The following TNS3 variants were observed in gnomAD, a reference collection of about 807,000 sequenced individuals.
The protein encoded by TNS3 is tensin-3.
A neutral mutation model predicts 140.9 loss-of-function variants in TNS3; 45 were observed. The ratio of observed to expected loss-of-function variants is 0.32; its 90% CI spans 0.25 to 0.41. TNS3 has a LOEUF of 0.41. Ranked by LOEUF, TNS3 falls within the 10% of genes least tolerant of loss-of-function variation. The pLI, the probability that TNS3 is intolerant of heterozygous loss-of-function variation, is 1.00. For synonymous variants in TNS3, 815 were observed against 788.4 expected (o/e 1.03, Z -0.56); for missense variants, 1,716 against 1,906.7 (o/e 0.90, Z 1.86).
At position 47,435,409 on chromosome 7, in the gene TNS3, A is replaced by C; in HGVS notation, c.202-5T>G. On this transcript the variant is annotated splice_region_variant and splice_polypyrimidine_tract_variant and intron_variant, in intron 7 of 30. Coordinates refer to ENST00000311160, the MANE Select transcript of TNS3 (RefSeq NM_022748.12). ...TGGCCAGCCCACATCCATGATCTGC[A>C]ACAAGAAAGGGGAGCTTCCTCGGTT... 1 of 1,613,330 alleles carries C rather than the reference A, an allele frequency of 6.2e-7. No individual in the cohort carries two copies. Among genetic ancestry groups the C allele is most frequent in the South Asian group, 1.1e-5 (1 of 91,078 alleles).
At chr7:47,395,714 TC>T (rs1307629482) in intron 16 of TNS3, among the ~76,000 whole-genome samples, 1 of 152,214 alleles carries the variant, frequency 6.6e-6, no homozygotes, top group Non-Finnish European at 1.5e-5. Context: ...AGCAAAGCTC[TC>T]CCCGTCCACA....
chr7:47,557,589 G>A (rs1364173898), intron 1 of TNS3, among the ~76,000 whole-genome samples: 2 of 152,208 alleles, frequency 1.3e-5, no homozygotes, highest in African/African-American at 2.4e-5. Flanking sequence ...GGTTTTATGG[G>A]AATATGACGT....
intron 4 of TNS3, among the ~76,000 whole-genome samples, chr7:47,478,782 T>G (rs952553514): frequency 2.0e-5 from 3 of 152,116 alleles, no homozygotes; most frequent in Non-Finnish European, 4.4e-5. Flanking sequence ...ACATATTCAT[T>G]TGTGTGCGTA....
intron 4 of TNS3, among the ~76,000 whole-genome samples, chr7:47,452,535 C>T (rs568441929): frequency 7.9e-5 from 12 of 152,212 alleles, no homozygotes; most frequent in East Asian, 3.9e-4. Context: ...TTATTTGTAA[C>T]GAAATAGTCA....
At chr7:47,355,624 A>G (rs1789949886) in intron 17 of TNS3, among the ~76,000 whole-genome samples, 2 of 152,178 alleles carry the variant, frequency 1.3e-5, no homozygotes, top group South Asian at 4.1e-4. Flanking sequence ...TAGCCAGAAA[A>G]TGTTTTTTAA....
Position 47,439,528 on chromosome 7 carries a change from C to A in TNS3, c.109G>T (p.Val37Phe). 2 of 1,614,050 alleles carry A rather than the reference C, an allele frequency of 1.2e-6. No homozygotes were observed. The highest frequency in any genetic ancestry group is 1.7e-6 in the Non-Finnish European group (2 of 1,179,978). ...EESYLHNLQE[V>F]TRMLKSKHGD... The stretch of plus-strand genomic sequence containing the variant: ...TGCTTGGACTTGAGCATGCGCGTGA[C>A]CTCCTGTAGGTTGTGCAGGTAGGAC... Residue 37 changes from valine to phenylalanine, a missense_variant, in exon 6 of 31, where the codon GTC becomes TTC. Val to Phe is a conservative substitution (Grantham distance 50). This residue lies in a region of TNS3 where 337 missense variants were observed against 428.9 expected (regional missense o/e 0.79). Coordinates refer to ENST00000311160, the MANE Select transcript of TNS3 (RefSeq NM_022748.12).
At chr7:47,358,617 C>T (rs964089864) in intron 17 of TNS3, among the ~76,000 whole-genome samples, 1 of 152,186 alleles carries the variant, frequency 6.6e-6, no homozygotes, top group Non-Finnish European at 1.5e-5. Context: ...CCGTGGGAGC[C>T]GGCAGTGCTC....
intron 3 of TNS3, among the ~76,000 whole-genome samples, chr7:47,494,240 C>G (rs745519417): frequency 3.3e-5 from 5 of 152,276 alleles, no homozygotes; most frequent in Middle Eastern, 3.4e-3. Context: ...CCTAACAGGT[C>G]TACCTTTAAA....
At chr7:47,470,269 C>T (rs1796896877) in intron 4 of TNS3, among the ~76,000 whole-genome samples, 1 of 152,154 alleles carries the variant, frequency 6.6e-6, no homozygotes, top group Non-Finnish European at 1.5e-5. Flanking sequence ...TACTATGCTC[C>T]TTACCTGGGT....
intron 16 of TNS3, among the ~76,000 whole-genome samples, chr7:47,378,822 C>T (rs1271998229): frequency 1.3e-5 from 2 of 152,186 alleles, no homozygotes; most frequent in Admixed American, 6.5e-5. Context: ...CATGACCTCC[C>T]CTCAGCAGTG....
At chr7:47,295,001 G>A (rs1785924902) in intron 24 of TNS3, among the ~76,000 whole-genome samples, 1 of 152,156 alleles carries the variant, frequency 6.6e-6, no homozygotes, top group Non-Finnish European at 1.5e-5. Flanking sequence ...GAGGTGGTAT[G>A]GTGAATGGTT....
chr7:47,556,177 A>G (rs1015572884), intron 1 of TNS3, among the ~76,000 whole-genome samples: 1 of 152,240 alleles, frequency 6.6e-6, no homozygotes, highest in Non-Finnish European at 1.5e-5. Context: ...TTGAACCCAC[A>G]TGCCCTCTTT....
At chr7:47,574,533 G>C (rs1395119282) in intron 1 of TNS3, among the ~76,000 whole-genome samples, 1 of 152,010 alleles carries the variant, frequency 6.6e-6, no homozygotes, top group African/African-American at 2.4e-5. Flanking sequence ...ATACACCCAT[G>C]TCCATAGCAG....
chr7:47,335,920 A>G (rs1355038487), intron 20 of TNS3, among the ~76,000 whole-genome samples: 3 of 152,122 alleles, frequency 2.0e-5, no homozygotes, highest in Non-Finnish European at 2.9e-5. Flanking sequence ...TTGACCAGAG[A>G]GAGAAGAAAT....
intron 7 of TNS3, among the ~76,000 whole-genome samples, chr7:47,435,647 G>A (rs1483271280): frequency 6.6e-6 from 1 of 152,140 alleles, no homozygotes; most frequent in Non-Finnish European, 1.5e-5. Flanking sequence ...CTGCAGCTGG[G>A]GTGACAATTC....
chr7:47,392,988 G>A (rs561875238), intron 16 of TNS3, among the ~76,000 whole-genome samples: 2 of 152,296 alleles, frequency 1.3e-5, no homozygotes, highest in South Asian at 2.1e-4. Context: ...AAGATCAAAC[G>A]CACTTTGGAA....
intron 20 of TNS3, among the ~76,000 whole-genome samples, chr7:47,308,864 A>G (rs918823606): frequency 5.3e-5 from 8 of 152,248 alleles, no homozygotes; most frequent in African/African-American, 1.7e-4. Flanking sequence ...CTGGCCTTCA[A>G]TGTCCCTAAT....
At chr7:47,372,261 G>A (rs997615281) in intron 16 of TNS3, among the ~76,000 whole-genome samples, 9 of 152,198 alleles carry the variant, frequency 5.9e-5, no homozygotes, top group Non-Finnish European at 1.0e-4. Context: ...CCCAGAGCAT[G>A]AGCCTACCCA....
chr7:47,566,259 C>T (rs1437187308), intron 1 of TNS3, among the ~76,000 whole-genome samples: 1 of 152,146 alleles, frequency 6.6e-6, no homozygotes, highest in African/African-American at 2.4e-5. Context: ...AGCAGCTGCC[C>T]GGCTGGTAGG....
Sources: allele counts gnomAD v4.1 joint callset (sites outside exome capture counted in the v4.1 genomes callset), GRCh38; gene constraint gnomAD v4.1.1; regional missense constraint gnomAD v4.1.1; transcripts MANE v1.5; gene names NCBI Gene and HGNC (gene_info 2026-07-23, HGNC 2026-07-21).